Variants in TPST2 observed in about 807,000 individuals in gnomAD.
TPST2 encodes the protein protein-tyrosine sulfotransferase 2.
Under a neutral mutation model 27.8 loss-of-function variants are expected in TPST2, and 16 were observed. That is an observed-to-expected ratio of 0.58 (90% CI 0.39 to 0.88). The LOEUF is 0.88. TPST2 is among the 40% of genes least tolerant of loss of function. The pLI is 0.00. For synonymous variants in TPST2, 229 were observed against 231.7 expected, an observed-to-expected ratio of 0.99 and a Z score of 0.10; for missense variants, 464 against 543.1, an observed-to-expected ratio of 0.85 and a Z score of 1.45.
At chr22:26,589,050 A>T (rs1295212446) in intron 1 of TPST2, among the ~76,000 whole-genome samples, 1 of 152,086 alleles carries the variant, frequency 6.6e-6, no homozygotes, top group Non-Finnish European at 1.5e-5. Context: ...TCTGTAGGAT[A>T]AGTAGGAGTT....
At chr22:26,560,089 C>G (rs1404349147) in intron 1 of TPST2, among the ~76,000 whole-genome samples, 1 of 152,168 alleles carries the variant, frequency 6.6e-6, no homozygotes. Context: ...GCAGTGGCCT[C>G]GGAGAAAGCC....
intron 1 of TPST2, among the ~76,000 whole-genome samples, chr22:26,553,059 T>TAA (rs1926570300): frequency 1.6e-5 from 1 of 60,982 alleles, no homozygotes; most frequent in East Asian, 6.6e-4. Flanking sequence ...AAACTCCATC[T>TAA]CAAAAAAAAA....
chr22:26,537,953 C>G (rs1005978379), intron 3 of TPST2, among the ~76,000 whole-genome samples: 14 of 152,170 alleles, frequency 9.2e-5, no homozygotes, highest in African/African-American at 3.4e-4. Context: ...TGAAGACAGA[C>G]ATTTAGGTTG....
At chr22:26,584,019 T>G (rs985691048) in intron 1 of TPST2, among the ~76,000 whole-genome samples, 13 of 152,230 alleles carry the variant, frequency 8.5e-5, no homozygotes, top group Non-Finnish European at 1.6e-4. Flanking sequence ...CACTCCAGTT[T>G]GGCCTAAGCT....
intron 1 of TPST2, among the ~76,000 whole-genome samples, chr22:26,545,343 A>G (rs1752986573): frequency 6.6e-6 from 1 of 152,202 alleles, no homozygotes. Context: ...CACCATCCAG[A>G]TCTGTAAGAC....
At chr22:26,531,671 C>T (rs978207466) in intron 5 of TPST2, among the ~76,000 whole-genome samples, 4 of 152,156 alleles carry the variant, frequency 2.6e-5, no homozygotes, top group African/African-American at 9.7e-5. Context: ...ACTGGGTGTT[C>T]AACAATTCAG....
chr22:26,534,562 T>TG (rs887550705), intron 4 of TPST2, among the ~76,000 whole-genome samples: 1 of 152,182 alleles, frequency 6.6e-6, no homozygotes, highest in African/African-American at 2.4e-5. Context: ...ACCCATAGCC[T>TG]GGGGCAAGCC....
intron 4 of TPST2, among the ~76,000 whole-genome samples, chr22:26,533,323 A>G (rs1426668619): frequency 6.6e-6 from 1 of 152,128 alleles, no homozygotes; most frequent in Admixed American, 6.6e-5. Flanking sequence ...CTCCAGCCTC[A>G]GCTGGAGGAT....
At chr22:26,545,905 C>A (rs1196959285) in intron 1 of TPST2, among the ~76,000 whole-genome samples, 1 of 152,004 alleles carries the variant, frequency 6.6e-6, no homozygotes, top group Non-Finnish European at 1.5e-5. Flanking sequence ...TATGGGGAGA[C>A]CCAGTCTCTA....
chr22:26,546,910 G>A (rs1180197867), intron 1 of TPST2, among the ~76,000 whole-genome samples: 1 of 152,146 alleles, frequency 6.6e-6, no homozygotes, highest in Non-Finnish European at 1.5e-5. Context: ...AGGAGGAGGA[G>A]CAATGGCAAT....
intron 1 of TPST2, among the ~76,000 whole-genome samples, chr22:26,586,630 G>A (rs930340728): frequency 2.0e-5 from 3 of 151,866 alleles, no homozygotes; most frequent in Non-Finnish European, 4.4e-5. Context: ...ATAAAGTCAC[G>A]AGGTGCCAGA....
intron 1 of TPST2, among the ~76,000 whole-genome samples, chr22:26,572,792 CTT>C (rs1927682001): frequency 6.6e-6 from 1 of 151,998 alleles, no homozygotes; most frequent in South Asian, 2.1e-4. Context: ...TCTTCTTCTT[CTT>C]TTTCTTTTTT....
chr22:26,586,543 C>A (rs1928355327), intron 1 of TPST2, among the ~76,000 whole-genome samples: 1 of 152,106 alleles, frequency 6.6e-6, no homozygotes, highest in South Asian at 2.1e-4. Flanking sequence ...AGCCATGCAC[C>A]CGGCCTAGGC....
chr22:26,573,509 C>A (rs1927714178), intron 1 of TPST2, among the ~76,000 whole-genome samples: 1 of 152,226 alleles, frequency 6.6e-6, no homozygotes, highest in Admixed American at 6.5e-5. Flanking sequence ...GCTAACTTCC[C>A]TCTTCCCCTG....
intron 4 of TPST2, chr22:26,535,903 G>A: frequency 2.8e-6 from 1 of 358,712 alleles, no homozygotes; most frequent in Non-Finnish European, 5.5e-6. Context: ...TATAAGACAA[G>A]AAAGGGACCA....
intron 3 of TPST2, among the ~76,000 whole-genome samples, chr22:26,538,818 G>A (rs575803787): frequency 2.0e-5 from 3 of 152,178 alleles, no homozygotes; most frequent in Non-Finnish European, 4.4e-5. Flanking sequence ...GCGAGACTCC[G>A]TCTCAACAAC....
intron 1 of TPST2, among the ~76,000 whole-genome samples, chr22:26,557,396 C>T (rs1051569943): frequency 3.3e-5 from 5 of 152,178 alleles, no homozygotes; most frequent in South Asian, 2.1e-4. Context: ...TTCTTACTAG[C>T]GATGCTGCTG....
At chr22:26,532,627 G>C (rs905312142) in intron 5 of TPST2, 68 bp downstream of exon 5, 1 of 1,511,958 alleles carries the variant, frequency 6.6e-7, no homozygotes, top group African/African-American at 1.4e-5. Context: ...ACACATCTAA[G>C]GGCATACAGC....
intron 2 of TPST2, among the ~76,000 whole-genome samples, chr22:26,543,596 C>A (rs137993106): frequency 6.6e-6 from 1 of 152,254 alleles, no homozygotes; most frequent in East Asian, 1.9e-4. Context: ...TGTGAGCCAC[C>A]GCACCCGGCC....
Sources: allele counts gnomAD v4.1 joint callset (sites outside exome capture counted in the v4.1 genomes callset), GRCh38; gene constraint gnomAD v4.1.1; transcripts MANE v1.5; gene names NCBI Gene and HGNC (gene_info 2026-07-23, HGNC 2026-07-21).